Variants in ADARB2 observed in about 807,000 individuals in gnomAD.
ADARB2 encodes the protein inactive double-stranded RNA-specific editase B2.
ADARB2 carries 25 observed loss-of-function variants against 62.2 expected under a neutral mutation model. The ratio of observed to expected loss-of-function variants is 0.40; its 90% CI spans 0.29 to 0.56. ADARB2 has a LOEUF of 0.56. Among genes scored for constraint, ADARB2 ranks in the 20% least tolerant of loss-of-function variants. The pLI, the probability that ADARB2 is intolerant of heterozygous loss-of-function variation, is 0.43. For missense variants in ADARB2, 1,071 were observed against 1,077.4 expected, an observed-to-expected ratio of 0.99 and a Z score of 0.08; for synonymous variants, 572 against 500.8, an observed-to-expected ratio of 1.14 and a Z score of -1.90.
chr10:1,480,598 T>A (rs999007615), intron 1 of ADARB2, among the ~76,000 whole-genome samples: 3 of 152,068 alleles, frequency 2.0e-5, no homozygotes, highest in Non-Finnish European at 2.9e-5. Context: ...CTCAGGAGGC[T>A]GAGGTAGGAG....
intron 1 of ADARB2, among the ~76,000 whole-genome samples, chr10:1,600,689 C>A (rs1049868761): frequency 2.4e-4 from 31 of 131,378 alleles, no homozygotes; most frequent in South Asian, 1.0e-3. Flanking sequence ...AAAAAAGATT[C>A]AGTGTTACCA....
intron 1 of ADARB2, among the ~76,000 whole-genome samples, chr10:1,492,000 G>T (rs953785500): frequency 6.6e-6 from 1 of 152,208 alleles, no homozygotes; most frequent in Non-Finnish European, 1.5e-5. Context: ...GCCTTTAATA[G>T]TTGTTGATAA....
intron 1 of ADARB2, among the ~76,000 whole-genome samples, chr10:1,672,068 TC>T (rs1288033943): frequency 2.6e-5 from 4 of 151,272 alleles, no homozygotes; most frequent in African/African-American, 4.9e-5. Context: ...CCCTACCCCA[TC>T]CCCGAGAGTC....
At chr10:1,211,036 G>C (rs942975456) in intron 7 of ADARB2, among the ~76,000 whole-genome samples, 5 of 152,160 alleles carry the variant, frequency 3.3e-5, no homozygotes, top group Non-Finnish European at 7.3e-5. Context: ...ATGGCGCTGT[G>C]AGGGGTTCAA....
intron 2 of ADARB2, among the ~76,000 whole-genome samples, chr10:1,367,220 G>C (rs1832321543): frequency 6.6e-6 from 1 of 152,234 alleles, no homozygotes; most frequent in African/African-American, 2.4e-5. Context: ...AAAACATCCG[G>C]CTCTTGGCCT....
chr10:1,252,599 A>C (rs1267760812), intron 4 of ADARB2, among the ~76,000 whole-genome samples: 2 of 151,954 alleles, frequency 1.3e-5, no homozygotes, highest in Admixed American at 6.6e-5. Flanking sequence ...CTGCAATCCC[A>C]CATCTAGTCA....
chr10:1,683,403 C>T (rs1834563194), intron 1 of ADARB2, among the ~76,000 whole-genome samples: 1 of 152,178 alleles, frequency 6.6e-6, no homozygotes, highest in African/African-American at 2.4e-5. Context: ...TGAAAAACTT[C>T]TTAATTTATT....
At chr10:1,276,864 C>T (rs1028381667) in intron 3 of ADARB2, among the ~76,000 whole-genome samples, 1 of 152,226 alleles carries the variant, frequency 6.6e-6, no homozygotes, top group African/African-American at 2.4e-5. Context: ...AAGTAAAGCA[C>T]TCCTCAGCAA....
At chr10:1,662,144 G>C (rs1834256714) in intron 1 of ADARB2, among the ~76,000 whole-genome samples, 1 of 152,212 alleles carries the variant, frequency 6.6e-6, no homozygotes, top group Admixed American at 6.5e-5. Context: ...GTGGGAGGAT[G>C]TCCCAGACTA....
intron 3 of ADARB2, among the ~76,000 whole-genome samples, chr10:1,362,646 G>A (rs1363330301): frequency 6.6e-6 from 1 of 152,028 alleles, no homozygotes; most frequent in Non-Finnish European, 1.5e-5. Context: ...CTGCTCCCAG[G>A]CACAGGGCGC....
At chr10:1,488,589 CAATG>C (rs1831581836) in intron 1 of ADARB2, among the ~76,000 whole-genome samples, 3 of 152,100 alleles carry the variant, frequency 2.0e-5, no homozygotes, top group Admixed American at 1.3e-4. Flanking sequence ...GATCAATGAT[CAATG>C]ATCAATGAGC....
chr10:1,264,428 C>A lies in ADARB2; in HGVS notation c.1192+6527G>T, dbSNP rs116570515. ...TTGTGAAGATGAACTTACACAGATG[C>A]TCTTTGTATGATGGAAAGAGAAGTT... On this transcript the variant is annotated intron_variant, in intron 4 of 9. Coordinates refer to ENST00000381312, the MANE Select transcript of ADARB2 (RefSeq NM_018702.4). 3.2e-3 allele frequency among the ~76,000 whole-genome samples: 488 copies of A among 152,302 alleles called. 2 individuals are homozygous for A. The highest frequency in any genetic ancestry group is 0.011 in the African/African-American group (466 of 41,560).
At chr10:1,593,726 G>A (rs972501006) in intron 1 of ADARB2, among the ~76,000 whole-genome samples, 6 of 152,154 alleles carry the variant, frequency 3.9e-5, no homozygotes, top group African/African-American at 1.2e-4. Flanking sequence ...TACTTCTAAC[G>A]TGACTGCATG....
chr10:1,402,961 C>G (rs374521850), intron 1 of ADARB2, among the ~76,000 whole-genome samples: 1 of 152,260 alleles, frequency 6.6e-6, no homozygotes, highest in Admixed American at 6.5e-5. Flanking sequence ...ACCCTCCTCC[C>G]TGGTGTTTGT....
chr10:1,591,299 G>A (rs547099411), intron 1 of ADARB2, among the ~76,000 whole-genome samples: 3 of 152,200 alleles, frequency 2.0e-5, no homozygotes, highest in Non-Finnish European at 2.9e-5. Context: ...CGGAGGCTCC[G>A]CGAGGGCGTG....
At chr10:1,297,706 A>G (rs1831535467) in intron 3 of ADARB2, among the ~76,000 whole-genome samples, 1 of 152,150 alleles carries the variant, frequency 6.6e-6, no homozygotes, top group African/African-American at 2.4e-5. Context: ...AGCCTCATAC[A>G]GCCTGTGTGC....
rs558315284 is a variant in ADARB2 at position 1,531,943 on chromosome 10, C to T, written c.101-152783G>A. ...TTCCCATCCCCACTGGAAGTTCCTCCGGCATTCTGTGTATTTTCTGTGTGT... is the reference window on the plus strand; with the variant it reads ...TTCCCATCCCCACTGGAAGTTCCTCTGGCATTCTGTGTATTTTCTGTGTGT... On this transcript the variant is annotated intron_variant, in intron 1 of 9. Transcript: ENST00000381312. Among the ~76,000 whole-genome samples the T allele has an allele frequency of 1.2e-4, 19 of 152,328 alleles. No homozygotes were observed. In the South Asian group the frequency reaches 3.3e-3, roughly 27 times the overall value.
chr10:1,500,638 G>A (rs1452075790), intron 1 of ADARB2, among the ~76,000 whole-genome samples: 1 of 152,124 alleles, frequency 6.6e-6, no homozygotes, highest in Non-Finnish European at 1.5e-5. Context: ...TTTGATTAGG[G>A]CGATAAAAGA....
chr10:1,280,939 C>A (rs918706463), intron 3 of ADARB2, among the ~76,000 whole-genome samples: 1 of 152,188 alleles, frequency 6.6e-6, no homozygotes, highest in Admixed American at 6.5e-5. Context: ...AGGCTGAGCA[C>A]GCACGGCTTA....
Sources: gnomAD v4.1 joint callset for allele counts (sites outside exome capture counted in the v4.1 genomes callset) on GRCh38, gnomAD v4.1.1 for gene constraint, MANE v1.5 for transcripts, NCBI Gene and HGNC (gene_info 2026-07-23, HGNC 2026-07-21) for gene names.